The following MAMLD1 variants were observed in gnomAD, a reference collection of about 807,000 sequenced individuals.
The protein encoded by MAMLD1 is mastermind like domain containing 1.
In MAMLD1, 14 loss-of-function variants were observed where a neutral mutation model predicts 45.0. That is an observed-to-expected ratio of 0.31 (90% confidence interval 0.21 to 0.49). The LOEUF (loss-of-function observed/expected upper bound fraction) is 0.49, where lower values mean the gene tolerates loss of function less well. Ranked by LOEUF, MAMLD1 falls within the 20% of genes least tolerant of loss-of-function variation. The pLI, the probability that MAMLD1 is intolerant of heterozygous loss-of-function variation, is 0.99. For synonymous variants in MAMLD1, 254 were observed against 247.8 expected, an observed-to-expected ratio of 1.02 and a Z score of -0.24; for missense variants, 543 against 603.6, an observed-to-expected ratio of 0.90 and a Z score of 1.05.
intron 5 of MAMLD1, among the ~76,000 whole-genome samples, chrX:150,487,088 GGCTGCTGCT>G (rs781938024): frequency 6.6e-4 from 73 of 111,203 alleles, no homozygotes; most frequent in African/African-American, 2.2e-3. Context: ...GATTTCCAGG[GGCTGCTGCT>G]GCTGCTGCTG....
At position 150,397,946 on chromosome X, in the gene MAMLD1, GGT is replaced by G. The variant is rs782104573; in HGVS notation, c.-64+34417_-64+34418del. On this transcript the variant is annotated intron_variant, in intron 1 of 7. Transcript: ENST00000370401. ...GCTTGGACATATATTTCCAGGGACAGGTAACTTACTACCTTATGAGGCAGCCC... is the reference window on the plus strand; with the variant it reads ...GCTTGGACATATATTTCCAGGGACAGAACTTACTACCTTATGAGGCAGCCC... 1.1e-4 allele frequency among the ~76,000 whole-genome samples: 12 copies of G among 110,532 alleles called. No individual in the cohort carries two copies. The East Asian group carries it at 3.2e-3, about 29-fold the overall frequency.
At position 150,425,820 on chromosome X, in the gene MAMLD1, A is replaced by G. The variant is rs1195110476; in HGVS notation, c.-63-19634A>G. ...AACACAGAGGGAGCACCTGTACAGA[A>G]GGCTCTTCCTATGTACCTTGTGGGG... On this transcript the variant is annotated intron_variant, in intron 1 of 7. Coordinates refer to ENST00000370401, the MANE Select transcript of MAMLD1 (RefSeq NM_005491.5). Among the ~76,000 whole-genome samples, 46 of 112,369 alleles carry G rather than the reference A, an allele frequency of 4.1e-4. 2 individuals carry two copies. Among genetic ancestry groups the G allele is most frequent in the Non-Finnish European group, 5.6e-5 (3 of 53,235 alleles).
At chrX:150,381,128 C>T (rs1474583327) in intron 1 of MAMLD1, among the ~76,000 whole-genome samples, 2 of 112,249 alleles carry the variant, frequency 1.8e-5, no homozygotes, top group African/African-American at 6.5e-5. Flanking sequence ...GGGTCTATTT[C>T]TACATGCATA....
chrX:150,395,153 T>A (rs999796513), intron 1 of MAMLD1, among the ~76,000 whole-genome samples: 7 of 111,682 alleles, frequency 6.3e-5, no homozygotes, highest in Non-Finnish European at 1.3e-4. Flanking sequence ...GGTGTTGGAT[T>A]TTGTTAAATG....
chrX:150,406,411 T>A (rs2034000015), intron 1 of MAMLD1, among the ~76,000 whole-genome samples: 1 of 111,073 alleles, frequency 9.0e-6, no homozygotes, highest in Non-Finnish European at 1.9e-5. Context: ...TCAAAGAGCC[T>A]TCATTGTGAG....
intron 1 of MAMLD1, among the ~76,000 whole-genome samples, chrX:150,413,561 G>C (rs1345554737): frequency 1.8e-5 from 2 of 110,421 alleles, no homozygotes; most frequent in African/African-American, 6.6e-5. Context: ...ATCACACCAA[G>C]AAGAGGAAAG....
chrX:150,398,261 A>G (rs868919011), intron 1 of MAMLD1, among the ~76,000 whole-genome samples: 2 of 27,373 alleles, frequency 7.3e-5, no homozygotes, highest in Admixed American at 8.9e-4. Context: ...GGAGAAGAAG[A>G]AGAAGAAGAA....
chrX:150,385,043 A>G (rs990845549), intron 1 of MAMLD1, among the ~76,000 whole-genome samples: 5 of 111,210 alleles, frequency 4.5e-5, no homozygotes, highest in Non-Finnish European at 9.4e-5. Context: ...TATTCATCTT[A>G]TAACTGAAGG....
rs1046418739 is a variant in MAMLD1 at position 150,366,286 on chromosome X, C to G, written c.-64+2756C>G. Among the ~76,000 whole-genome samples, 9 of 111,944 alleles carry G rather than the reference C, an allele frequency of 8.0e-5. No individual in the cohort carries two copies. In the East Asian group the frequency reaches 2.2e-3, roughly 28 times the overall value. ...CTGGAGGTTATTGATAAGTGCTGCT[C>G]AAACATTTGTTCTCTGCGTCTTTGG... On this transcript the variant is annotated intron_variant, in intron 1 of 7. Transcript: ENST00000370401.
chrX:150,438,119 T>C (rs2035180098), intron 1 of MAMLD1, among the ~76,000 whole-genome samples: 1 of 111,876 alleles, frequency 8.9e-6, no homozygotes, highest in Admixed American at 9.5e-5. Context: ...TTGTTTCCAG[T>C]TTTTTACTAT....
intron 5 of MAMLD1, among the ~76,000 whole-genome samples, chrX:150,477,425 G>T (rs1476834918): frequency 1.8e-5 from 2 of 112,016 alleles, no homozygotes; most frequent in Non-Finnish European, 3.8e-5. Flanking sequence ...GACCCCCAGG[G>T]GTGGACGGTG....
rs369463174 is a variant in MAMLD1, at chrX:150,487,144, A to G, written c.2040+13342A>G. Among the ~76,000 whole-genome samples the G allele has an allele frequency of 2.7e-3, 299 of 111,445 alleles. 1 individual carries two copies. The highest frequency in any genetic ancestry group is 9.3e-3 in the African/African-American group (286 of 30,629). ...AGGACACCCCTGCCCTTCCACTTTG[A>G]GAACCTCTGATTTAGATTATCCTTA... On this transcript the variant is annotated intron_variant, in intron 5 of 7. Coordinates refer to ENST00000370401, the MANE Select transcript of MAMLD1 (RefSeq NM_005491.5).
intron 1 of MAMLD1, among the ~76,000 whole-genome samples, chrX:150,410,407 C>T (rs1397165425): frequency 1.8e-5 from 2 of 112,551 alleles, no homozygotes; most frequent in African/African-American, 6.5e-5. Context: ...GTGCACCTGC[C>T]ACATGCCAGG....
At chrX:150,392,008 G>T (rs1557402185) in intron 1 of MAMLD1, among the ~76,000 whole-genome samples, 1 of 111,731 alleles carries the variant, frequency 9.0e-6, no homozygotes, top group African/African-American at 3.3e-5. Context: ...CCCTGCTGGG[G>T]AAAGTGGGGT....
In MAMLD1 at chrX:150,466,305, G is replaced by A. The variant is rs782097087; in HGVS notation, c.172-3440G>A. ...TCCTCGGCCTTGTTTAGGGTTGGCT[G>A]GTGTTCTTGCTGTTCAGCCAGGGCA... On this transcript the variant is annotated intron_variant, in intron 3 of 7. Transcript: ENST00000370401. Among the ~76,000 whole-genome samples, 6 of 112,867 alleles carry A rather than the reference G, an allele frequency of 5.3e-5. 1 individual carries two copies. Among genetic ancestry groups the A allele is most frequent in the East Asian group, 5.6e-4 (2 of 3,591 alleles).
chrX:150,421,922 C>T (rs1402023951), intron 1 of MAMLD1, among the ~76,000 whole-genome samples: 3 of 112,347 alleles, frequency 2.7e-5, no homozygotes, highest in Non-Finnish European at 5.6e-5. Flanking sequence ...CCAGCAGCCA[C>T]TGAAGGGAAG....
intron 1 of MAMLD1, among the ~76,000 whole-genome samples, chrX:150,386,314 T>A (rs1281565189): frequency 9.0e-6 from 1 of 111,645 alleles, no homozygotes; most frequent in Non-Finnish European, 1.9e-5. Flanking sequence ...GTTCTTTCTA[T>A]TGAGGTTCTC....
At chrX:150,365,677 C>T (rs1487986123) in intron 1 of MAMLD1, among the ~76,000 whole-genome samples, 2 of 113,183 alleles carry the variant, frequency 1.8e-5, no homozygotes, top group African/African-American at 6.4e-5. Context: ...CGCCCTCCTG[C>T]CACACCCTCC....
intron 1 of MAMLD1, among the ~76,000 whole-genome samples, chrX:150,396,483 G>A (rs782719450): frequency 1.4e-3 from 155 of 111,031 alleles, no homozygotes; most frequent in Non-Finnish European, 2.4e-3. Flanking sequence ...GAGTTTTGGC[G>A]TTTTCCCATT....
Sources: gnomAD v4.1 joint callset for allele counts (sites outside exome capture counted in the v4.1 genomes callset) on GRCh38, gnomAD v4.1.1 for gene constraint, MANE v1.5 for transcripts, NCBI Gene and HGNC (gene_info 2026-07-23, HGNC 2026-07-21) for gene names.